PLEKHA6: variants seen among roughly 807,000 people sequenced by gnomAD.
PLEKHA6 encodes pleckstrin homology domain-containing family A member 6.
PLEKHA6 carries 60 observed loss-of-function variants against 116.7 expected under a neutral mutation model. The ratio of observed to expected loss-of-function variants is 0.51; its 90% CI spans 0.42 to 0.64. The LOEUF is 0.64. PLEKHA6 is among the 30% of genes least tolerant of loss of function. The pLI is 0.00. For missense variants in PLEKHA6, 1,338 were observed against 1,422.7 expected (o/e 0.94, Z 0.96); for synonymous variants, 489 against 556.1 (o/e 0.88, Z 1.70).
rs1557997588 is a variant in PLEKHA6, at chr1:204,220,386, G to A, written c.*2402C>T. On this transcript the variant is annotated 3_prime_UTR_variant, in exon 23 of 23. Transcript: ENST00000272203. ...CTGCCCCCGGCAAGATGCTTTCTGGGTGAGCTCTGGGGACCAGCCCTTTCG... is the reference window on the plus strand; with the variant it reads ...CTGCCCCCGGCAAGATGCTTTCTGGATGAGCTCTGGGGACCAGCCCTTTCG... 1 of 152,568 alleles carries A rather than the reference G, an allele frequency of 6.6e-6. No individual in the cohort carries two copies. The highest frequency in any genetic ancestry group is 1.5e-5 in the Non-Finnish European group (1 of 68,092). 9.5% of individuals were successfully genotyped at this position (152,568 alleles called of 1,614,324 possible).
intron 9 of PLEKHA6, among the ~76,000 whole-genome samples, chr1:204,253,710 T>C (rs918274842): frequency 2.0e-5 from 3 of 151,920 alleles, no homozygotes; most frequent in Admixed American, 2.0e-4. Flanking sequence ...CACACCTGTC[T>C]GTAGTCCTAG....
intron 9 of PLEKHA6, chr1:204,251,679 C>G: frequency 1.5e-6 from 1 of 675,706 alleles, no homozygotes; most frequent in Non-Finnish European, 2.7e-6. Flanking sequence ...CTTCACCCAC[C>G]TGTGCTTGTT....
chr1:204,245,675 C>A lies in PLEKHA6; in HGVS notation c.1972G>T (p.Val658Leu). Residue 658 changes from valine to leucine, a missense_variant, in exon 14 of 23, where the codon GTG becomes TTG. Around this residue, in one of 3 missense-constraint regions of PLEKHA6, gnomAD observed 1,136 missense variants for 1,163.6 expected, o/e 0.98. Coordinates refer to ENST00000272203, the MANE Select transcript of PLEKHA6 (RefSeq NM_014935.5). The stretch of plus-strand genomic sequence containing the variant: ...TTGTTCTTCCTCAGCCCCTCCATCA[C>A]GTCCTGGATCCTCCAGATCTCCTTT... ...IQKEIWRIQD[V>L]MEGLRKNNPS... is the part of the protein sequence containing the mutation. 6.2e-7 allele frequency: 1 copy of A among 1,613,850 alleles called. No homozygotes were observed. The highest frequency in any genetic ancestry group is 8.5e-7 in the Non-Finnish European group (1 of 1,179,838).
chr1:204,276,129 G>GT (rs35199313), intron 1 of PLEKHA6, among the ~76,000 whole-genome samples: 26,856 of 151,746 alleles, frequency 0.18, 2,495 homozygotes, highest in East Asian at 0.28. Context: ...ATCAAAGAGT[G>GT]TTTTTTTTCA....
intron 1 of PLEKHA6, chr1:204,280,210 C>T (rs1411892064): frequency 8.9e-6 from 6 of 674,390 alleles, no homozygotes; most frequent in Non-Finnish European, 1.1e-5. Flanking sequence ...CAGTACCTCA[C>T]ATAGAGATAA....
intron 1 of PLEKHA6, among the ~76,000 whole-genome samples, chr1:204,355,977 A>G (rs1488698078): frequency 1.5e-5 from 1 of 68,916 alleles, no homozygotes; most frequent in East Asian, 6.2e-4. Context: ...CTCATGGCAC[A>G]CACACACACA....
At chr1:204,331,591 C>T (rs2103270931) in intron 1 of PLEKHA6, among the ~76,000 whole-genome samples, 1 of 152,236 alleles carries the variant, frequency 6.6e-6, no homozygotes, top group Non-Finnish European at 1.5e-5. Context: ...GATGAATATT[C>T]AGTTTTTAGA....
intron 1 of PLEKHA6, among the ~76,000 whole-genome samples, chr1:204,318,592 C>A (rs1360611132): frequency 6.6e-6 from 1 of 152,046 alleles, no homozygotes; most frequent in Non-Finnish European, 1.5e-5. Flanking sequence ...GCCTCATAGG[C>A]ACTCGCCTCA....
intron 1 of PLEKHA6, chr1:204,280,212 T>C (rs571013938): frequency 4.3e-6 from 3 of 695,994 alleles, no homozygotes; most frequent in African/African-American, 3.9e-5. Flanking sequence ...GTACCTCACA[T>C]AGAGATAACT....
upstream of PLEKHA6, among the ~76,000 whole-genome samples, chr1:204,364,733 C>T (rs1673618667): frequency 6.6e-6 from 1 of 152,144 alleles, no homozygotes; most frequent in African/African-American, 2.4e-5. Context: ...TCAGTCTAGG[C>T]TACTGGTTCT....
chr1:204,371,907 T>C (rs1042827237), intron 1 of PLEKHA6, among the ~76,000 whole-genome samples: 5 of 152,132 alleles, frequency 3.3e-5, no homozygotes, highest in South Asian at 2.1e-4. Context: ...ATTGTAACTA[T>C]GTGTAGAAAG....
intron 1 of PLEKHA6, among the ~76,000 whole-genome samples, chr1:204,349,786 G>A (rs891706471): frequency 6.6e-6 from 1 of 152,214 alleles, no homozygotes; most frequent in Non-Finnish European, 1.5e-5. Flanking sequence ...AGAGCAGTGG[G>A]GGAGGGCCTA....
At chr1:204,300,954 G>A (rs1670754257) in intron 1 of PLEKHA6, among the ~76,000 whole-genome samples, 1 of 152,212 alleles carries the variant, frequency 6.6e-6, no homozygotes, top group Admixed American at 6.5e-5. Flanking sequence ...AACTCAACCT[G>A]ACTTGAGCAT....
chr1:204,273,893 C>T (rs1667738853), intron 2 of PLEKHA6, among the ~76,000 whole-genome samples, 153 bp from the exon 3 acceptor site: 1 of 152,136 alleles, frequency 6.6e-6, no homozygotes, highest in South Asian at 2.1e-4. Context: ...TCAGCCACTC[C>T]TTTAGCCTTT....
At chr1:204,371,715 G>C (rs942605922) in intron 1 of PLEKHA6, 1 of 152,246 alleles carries the variant, frequency 6.6e-6, no homozygotes, top group African/African-American at 2.4e-5. Context: ...AGACACATGA[G>C]ATGAGAGCAT....
intron 1 of PLEKHA6, among the ~76,000 whole-genome samples, chr1:204,357,030 A>T (rs1673433146): frequency 6.6e-6 from 1 of 152,260 alleles, no homozygotes; most frequent in African/African-American, 2.4e-5. Context: ...AAAATATATT[A>T]CATCCACACA....
At chr1:204,352,614 A>G (rs1673315002) in intron 1 of PLEKHA6, among the ~76,000 whole-genome samples, 1 of 152,102 alleles carries the variant, frequency 6.6e-6, no homozygotes, top group Non-Finnish European at 1.5e-5. Flanking sequence ...CCACCAACAT[A>G]TGTAGCATAT....
At chr1:204,275,826 G>A (rs1667947809) in intron 1 of PLEKHA6, 3 of 449,326 alleles carry the variant, frequency 6.7e-6, no homozygotes, top group Non-Finnish European at 8.8e-6. Context: ...TGAGTTAAGG[G>A]CCTTTTCACC....
rs114404578 is a variant in PLEKHA6 at position 204,220,154 on chromosome 1, C to T, written c.*2634G>A. ...CATCCTTAGTGCTGTTTGGCATAGG[C>T]TGCTGTTACGCTGTCTGCTCTTTCC... On this transcript the variant is annotated 3_prime_UTR_variant, in exon 23 of 23. Coordinates refer to ENST00000272203, the MANE Select transcript of PLEKHA6 (RefSeq NM_014935.5). The T allele has an allele frequency of 1.3e-5, 2 of 152,372 alleles. No individual in the cohort carries two copies. Among genetic ancestry groups the T allele is most frequent in the African/African-American group, 4.8e-5 (2 of 41,574 alleles). The allele number at this position is 152,372 out of a possible 1,614,324, so 9.4% of individuals were successfully genotyped here. A position where few individuals can be genotyped will look rare whatever the true frequency, so the allele number is the denominator to read the frequency against.
Sources: gnomAD v4.1 joint callset for allele counts (sites outside exome capture counted in the v4.1 genomes callset) on GRCh38, gnomAD v4.1.1 for gene constraint, gnomAD v4.1.1 regional missense constraint, MANE v1.5 for transcripts, NCBI Gene and HGNC (gene_info 2026-07-23, HGNC 2026-07-21) for gene names.